The following BSN variants were observed in gnomAD, a reference collection of about 807,000 sequenced individuals.
BSN encodes the protein bassoon presynaptic cytomatrix protein.
BSN carries 57 observed loss-of-function variants against 264.8 expected under a neutral mutation model. The ratio of observed to expected loss-of-function variants is 0.22; its 90% CI spans 0.17 to 0.27. BSN has a LOEUF of 0.27. Among genes scored for constraint, BSN ranks in the 10% least tolerant of loss-of-function variants. BSN has a pLI of 1.00. For synonymous variants in BSN, 2,059 were observed against 2,137.3 expected (o/e 0.96, Z 1.01); for missense variants, 4,615 against 5,232.5 (o/e 0.88, Z 3.64).
intron 2 of BSN, among the ~76,000 whole-genome samples, chr3:49,637,625 A>G (rs561422003): frequency 3.2e-4 from 49 of 152,246 alleles, no homozygotes; most frequent in African/African-American, 9.9e-4. Flanking sequence ...TGCACACTGA[A>G]TAGTTTGAGT....
chr3:49,660,607 G>A lies in BSN; in HGVS notation c.8762G>A (p.Ser2921Asn), dbSNP rs1435000096. Residue 2921 changes from serine (S) to asparagine (N), a missense_variant, in exon 6 of 12, where the codon AGC (serine) becomes AAC (asparagine). Around this residue, in one of 3 missense-constraint regions of BSN, gnomAD observed 3,415 missense variants for 3,866.4 expected, o/e 0.88. Coordinates refer to ENST00000296452, the MANE Select transcript of BSN (RefSeq NM_003458.4). The surrounding 1 kb of genome is among the most constrained non-coding windows in gnomAD (Gnocchi z 7.1). ...GQASPQLYAASLLQRGLTGPT... is the reference protein window; with the variant it reads ...GQASPQLYAANLLQRGLTGPT... Reference sequence around the variant, plus strand: ...GCCTCCCCACAGCTGTATGCAGCCAGCCTGCTGCAGCGAGGGCTGACGGGG... The same window carrying A: ...GCCTCCCCACAGCTGTATGCAGCCAACCTGCTGCAGCGAGGGCTGACGGGG... The A allele has an allele frequency of 6.2e-7, 1 of 1,612,822 alleles. No individual in the cohort carries two copies. Among genetic ancestry groups the A allele is most frequent in the South Asian group, 1.1e-5 (1 of 91,058 alleles).
At chr3:49,573,136 C>A (rs1311501155) in intron 1 of BSN, among the ~76,000 whole-genome samples, 1 of 152,182 alleles carries the variant, frequency 6.6e-6, no homozygotes, top group Non-Finnish European at 1.5e-5. Context: ...ACATACAAAT[C>A]AAAATTCTAT....
intron 1 of BSN, among the ~76,000 whole-genome samples, chr3:49,584,136 C>G (rs545340940): frequency 6.6e-6 from 1 of 152,150 alleles, no homozygotes; most frequent in Admixed American, 6.5e-5. Flanking sequence ...CCACCCACCT[C>G]GGCTTCCCAA....
At position 49,663,313 on chromosome 3, in the gene BSN, T is replaced by G; in HGVS notation, c.11155T>G (p.Ser3719Ala). The G allele has an allele frequency of 6.2e-7, 1 of 1,614,020 alleles. No homozygotes were observed. Among genetic ancestry groups the G allele is most frequent in the Non-Finnish European group, 8.5e-7 (1 of 1,180,018 alleles). The change falls in exon 7 of 12, where the codon TCT becomes GCT. Residue 3719 changes from serine to alanine, a missense_variant. Physicochemically the swap from Ser to Ala is moderately conservative, Grantham distance 99. Coordinates refer to ENST00000296452, the MANE Select transcript of BSN (RefSeq NM_003458.4). ...SRASSAYHHA[S>A]DSKKGSRQAH... ...TGCTTCATCCGCATACCATCATGCC[T>G]CTGACAGCAAGAAGGGCTCCCGGCA...
chr3:49,650,855 C>T lies in BSN; in HGVS notation c.1762C>T (p.Pro588Ser). Residue 588 changes from proline (P) to serine (S), a missense_variant, in exon 4 of 12, where the codon CCC becomes TCC. Physicochemically the swap from Pro to Ser is moderately conservative, Grantham distance 74. Transcript: ENST00000296452. ...KASPLPSKAS[P>S]QAKPLRASEP... Reference sequence around the variant, plus strand: ...CAGCCCTCTGCCCAGCAAGGCCAGCCCCCAGGCCAAGCCCCTCAGGGCTTC... The same window carrying T: ...CAGCCCTCTGCCCAGCAAGGCCAGCTCCCAGGCCAAGCCCCTCAGGGCTTC... 6.2e-7 allele frequency: 1 copy of T among 1,614,226 alleles called. No homozygotes were observed. The highest frequency in any genetic ancestry group is 8.5e-7 in the Non-Finnish European group (1 of 1,180,030).
chr3:49,618,224 C>G, intron 1 of BSN, among the ~76,000 whole-genome samples: 1 of 152,122 alleles, frequency 6.6e-6, no homozygotes, highest in East Asian at 1.9e-4. Context: ...CTCTTACCCC[C>G]TACCCCCACC....
chr3:49,646,719 G>A (rs1464490793), intron 3 of BSN, among the ~76,000 whole-genome samples: 1 of 152,226 alleles, frequency 6.6e-6, no homozygotes, highest in East Asian at 1.9e-4. Flanking sequence ...CTATCTGGGT[G>A]TGGATGGACC....
Position 49,660,475 on chromosome 3 carries a change from C to G in BSN, c.8641-11C>G. The G allele has an allele frequency of 6.6e-7, 1 of 1,526,040 alleles. No individual in the cohort carries two copies. The allele number at this position is 1,526,040 out of a possible 1,614,324, so 94.5% of individuals were successfully genotyped here. A position where few individuals can be genotyped will look rare whatever the true frequency, so the allele number is the denominator to read the frequency against. On this transcript the variant is annotated splice_polypyrimidine_tract_variant and intron_variant, in intron 5 of 11. Coordinates refer to ENST00000296452, the MANE Select transcript of BSN (RefSeq NM_003458.4). The surrounding 1 kb of genome is among the most constrained non-coding windows in gnomAD (Gnocchi z 7.1). Reference sequence around the variant, plus strand: ...GGGTCTCAGTGCTGCCCACCCTTCCCTCTGTCTCAGGTGTCGGCGTTGCCA... The same window carrying G: ...GGGTCTCAGTGCTGCCCACCCTTCCGTCTGTCTCAGGTGTCGGCGTTGCCA...
chr3:49,616,896 C>T (rs1343601707), intron 1 of BSN, among the ~76,000 whole-genome samples: 1 of 152,186 alleles, frequency 6.6e-6, no homozygotes, highest in African/African-American at 2.4e-5. Flanking sequence ...TGGGATGGGA[C>T]AGGAGGCCAC....
chr3:49,578,146 T>C (rs1057126386), intron 1 of BSN, among the ~76,000 whole-genome samples: 5 of 152,212 alleles, frequency 3.3e-5, no homozygotes, highest in African/African-American at 1.2e-4. Flanking sequence ...ATATTGCATA[T>C]TTGGGGGCTG....
Position 49,661,007 on chromosome 3 carries a change from C to T in BSN, c.9162C>T (p.Pro3054=). 6.2e-7 allele frequency: 1 copy of T among 1,611,146 alleles called. No homozygotes were observed. The highest frequency in any genetic ancestry group is 8.5e-7 in the Non-Finnish European group (1 of 1,179,902). ...TPSGPTAFQQ[P]RFQPPAPQYS... is the part of the protein sequence containing the mutation. ...CTGGTCCCACTGCCTTCCAGCAGCCCCGCTTCCAGCCTCCAGCCCCACAGT... is the reference window on the plus strand; with the variant it reads ...CTGGTCCCACTGCCTTCCAGCAGCCTCGCTTCCAGCCTCCAGCCCCACAGT... Residue 3054 remains proline (P), a synonymous_variant, in exon 6 of 12, where the codon CCC becomes CCT. Coordinates refer to ENST00000296452, the MANE Select transcript of BSN (RefSeq NM_003458.4).
intron 5 of BSN, among the ~76,000 whole-genome samples, chr3:49,659,485 G>A (rs2052636286): frequency 6.6e-6 from 1 of 152,194 alleles, no homozygotes; most frequent in Non-Finnish European, 1.5e-5. Context: ...ATGTAGGTGG[G>A]AGGTTTTTAG....
rs547976811 is a variant in BSN at position 49,592,874 on chromosome 3, A to G, written c.225-32101A>G. Among the ~76,000 whole-genome samples the G allele has an allele frequency of 2.0e-5, 3 of 152,322 alleles. No homozygotes were observed. The South Asian group carries it at 6.2e-4, about 32-fold the overall frequency. On this transcript the variant is annotated intron_variant, in intron 1 of 11. Coordinates refer to ENST00000296452, the MANE Select transcript of BSN (RefSeq NM_003458.4). ...TAACCAATATTCATAAAATCCACCA[A>G]TCTTTCTCAGATTTTTCTAGTTTTA...
At chr3:49,600,934 G>A (rs1268609737) in intron 1 of BSN, among the ~76,000 whole-genome samples, 2 of 152,170 alleles carry the variant, frequency 1.3e-5, no homozygotes, top group Admixed American at 6.5e-5. Flanking sequence ...GGGAATGAGT[G>A]GAGGCTGTAG....
rs1453475598 is a variant in BSN at position 49,554,638 on chromosome 3, C to A, written c.36C>A (p.Gly12=). 1.0e-6 allele frequency: 1 copy of A among 983,430 alleles called. No individual in the cohort carries two copies. The highest frequency in any genetic ancestry group is 1.2e-6 in the Non-Finnish European group (1 of 829,966). The allele number at this position is 983,430 out of a possible 1,614,324, so 60.9% of individuals were successfully genotyped here. Residue 12 remains glycine (G), a synonymous_variant, in exon 1 of 12, where the codon GGC becomes GGA. Transcript: ENST00000296452. ...AGGTCAGCCTGGAGGGCGGCGCTGG[C>A]GACGGGCCGCTGCCGCCCGGCGGCG... ...GNEVSLEGGA[G]DGPLPPGGAG... is the part of the protein sequence containing the mutation.
At chr3:49,574,692 G>A (rs1485960609) in intron 1 of BSN, among the ~76,000 whole-genome samples, 1 of 131,316 alleles carries the variant, frequency 7.6e-6, no homozygotes, top group African/African-American at 2.9e-5. Context: ...CTGTAGTGCA[G>A]TGGCACAATC....
Position 49,652,109 on chromosome 3 carries a change from C to T in BSN, c.2553C>T (p.Ser851=), listed in dbSNP as rs376506370. Residue 851 remains serine (S), a synonymous_variant, in exon 5 of 12, where the codon AGC becomes AGT. Coordinates refer to ENST00000296452, the MANE Select transcript of BSN (RefSeq NM_003458.4). ...DFMRRQILEM[S]AEEDNLEEDD... ...TGCGACGGCAGATTCTCGAGATGAG[C>T]GCCGAGGAAGACAACCTGGAGGAGG... 4.2e-5 allele frequency: 67 copies of T among 1,612,730 alleles called. No individual in the cohort carries two copies. The highest frequency in any genetic ancestry group is 6.7e-5 in the East Asian group (3 of 44,870).
chr3:49,658,124 C>T lies in BSN; in HGVS notation c.8568C>T (p.Leu2856=), dbSNP rs1305515758. The T allele has an allele frequency of 2.5e-6, 4 of 1,610,738 alleles. No homozygotes were observed. The highest frequency in any genetic ancestry group is 3.4e-6 in the Non-Finnish European group (4 of 1,178,496). Residue 2856 remains leucine, a synonymous_variant, in exon 5 of 12, where the codon CTC becomes CTT. Transcript: ENST00000296452. ...GGTCCCTGTCTGACCCTAAGCCCCT[C>T]AGCCCCACCGCCGAAGAGTCTGCCA... ...LQRSLSDPKP[L]SPTAEESAKE...
chr3:49,658,610 C>T (rs921323932), intron 5 of BSN, among the ~76,000 whole-genome samples: 3 of 152,298 alleles, frequency 2.0e-5, no homozygotes, highest in East Asian at 1.9e-4. Flanking sequence ...GAACCTGGCG[C>T]GGCTGCTCTC....
Sources: allele counts gnomAD v4.1 joint callset (sites outside exome capture counted in the v4.1 genomes callset), GRCh38; gene constraint gnomAD v4.1.1; regional missense constraint gnomAD v4.1.1; non-coding constraint Gnocchi (gnomAD v3.1); transcripts MANE v1.5; gene names NCBI Gene and HGNC (gene_info 2026-07-23, HGNC 2026-07-21).